Variants in GCNT2 observed in about 807,000 individuals in gnomAD.
The protein encoded by GCNT2 is glucosaminyl (N-acetyl) transferase 2 (I blood group).
In GCNT2, 34 loss-of-function variants were observed where a neutral mutation model predicts 34.2. That is an observed-to-expected ratio of 1.00 (90% confidence interval 0.76 to 1.32). GCNT2 has a LOEUF of 1.32. GCNT2 is among the 40% of genes most tolerant of loss of function. The probability of loss-of-function intolerance (pLI) is 0.00; values close to 1 mark genes in which losing one functional copy is unlikely to be tolerated. For missense variants in GCNT2, 584 were observed against 489.4 expected, an observed-to-expected ratio of 1.19 and a Z score of -1.82; for synonymous variants, 212 against 188.0, an observed-to-expected ratio of 1.13 and a Z score of -1.04.
intron 3 of GCNT2, among the ~76,000 whole-genome samples, chr6:10,595,075 A>G (rs959920689): frequency 2.0e-5 from 3 of 152,092 alleles, no homozygotes; most frequent in African/African-American, 7.2e-5. Context: ...TCTGTTCTTG[A>G]TCATTTTGAT....
intron 2 of GCNT2, chr6:10,528,317 T>C (rs1232261736): frequency 1.3e-5 from 2 of 158,498 alleles, no homozygotes; most frequent in East Asian, 1.8e-4. Context: ...AAGACAGGGT[T>C]AAGCAATTTT....
chr6:10,600,507 G>A (rs991341667), intron 3 of GCNT2, among the ~76,000 whole-genome samples: 8 of 151,976 alleles, frequency 5.3e-5, no homozygotes, highest in African/African-American at 9.7e-5. Flanking sequence ...GAACAATTCC[G>A]CCAGTTCCCA....
rs759043571 is a variant in GCNT2 at position 10,529,659 on chromosome 6, T to C, written c.748T>C (p.Leu250=). 8.7e-6 allele frequency: 14 copies of C among 1,613,756 alleles called. No individual in the cohort carries two copies. The highest frequency in any genetic ancestry group is 1.1e-5 in the Non-Finnish European group (13 of 1,179,942). Residue 250 remains leucine (L), a synonymous_variant, in exon 3 of 5, where the codon TTA becomes CTA. Coordinates refer to ENST00000495262, the MANE Select transcript of GCNT2 (RefSeq NM_145649.5). ...KNSYVIKTTK[L]KTPPPHDMVI... is the part of the protein sequence containing the mutation. ...TTCCTACGTGATTAAAACAACAAAA[T>C]TAAAAACTCCTCCTCCTCATGACAT...
rs533203694 is a variant in GCNT2 at position 10,557,763 on chromosome 6, A to C, written c.925+27927A>C. On this transcript the variant is annotated intron_variant, in intron 3 of 4. Transcript: ENST00000495262. ...CATCTTGGCCTCCCAAAATGCTGGG[A>C]TTATAGCCATGAGCCACCATGCCTA... 5.6e-4 allele frequency among the ~76,000 whole-genome samples: 85 copies of C among 152,262 alleles called. 2 individuals are homozygous for C. In the South Asian group the frequency reaches 0.013, roughly 23 times the overall value.
chr6:10,554,900 A>G (rs996793219), intron 3 of GCNT2, among the ~76,000 whole-genome samples: 47 of 152,154 alleles, frequency 3.1e-4, no homozygotes, highest in Admixed American at 1.9e-3. Context: ...AATGTAAACA[A>G]TGAAAGTTAG....
At chr6:10,556,979 A>G in intron 3 of GCNT2, 2 of 1,613,998 alleles carry the variant, frequency 1.2e-6, no homozygotes, top group African/African-American at 1.3e-5. Context: ...GAAGTACGTT[A>G]TCAACACCTG....
chr6:10,603,623 G>A (rs1027840676), intron 3 of GCNT2, among the ~76,000 whole-genome samples: 11 of 150,976 alleles, frequency 7.3e-5, no homozygotes, highest in African/African-American at 2.0e-4. Flanking sequence ...TCAAGTGATC[G>A]TTGTGCCTCA....
At chr6:10,594,098 AG>A (rs1434633865) in intron 3 of GCNT2, among the ~76,000 whole-genome samples, 1 of 152,244 alleles carries the variant, frequency 6.6e-6, no homozygotes, top group Admixed American at 6.5e-5. Flanking sequence ...AACCTTCTGC[AG>A]GTCCTGTTAA....
At chr6:10,555,779 T>C (rs1448282529) in intron 3 of GCNT2, 1 of 985,260 alleles carries the variant, frequency 1.0e-6, no homozygotes, top group African/African-American at 1.7e-5. Context: ...GGAGCTGGGA[T>C]GGATGAGGCT....
chr6:10,586,679 A>T (rs1451223254), intron 3 of GCNT2: 2 of 1,614,040 alleles, frequency 1.2e-6, no homozygotes, highest in Non-Finnish European at 1.7e-6. Flanking sequence ...AGCGAACTAA[A>T]TATGTCCACC....
intron 1 of GCNT2, among the ~76,000 whole-genome samples, chr6:10,522,935 C>T (rs913072561): frequency 3.3e-5 from 5 of 152,150 alleles, no homozygotes; most frequent in East Asian, 1.9e-4. Flanking sequence ...AGACTTAAAA[C>T]GAATGAGGTT....
chr6:10,523,095 T>C (rs1446106557), intron 1 of GCNT2, among the ~76,000 whole-genome samples: 2 of 152,196 alleles, frequency 1.3e-5, no homozygotes, highest in South Asian at 2.1e-4. Flanking sequence ...CAGTCTTGCA[T>C]TGCCTCAAAG....
chr6:10,621,560 T>A (rs1766038082), intron 4 of GCNT2, 117 bp downstream of exon 4: 1 of 727,100 alleles, frequency 1.4e-6, no homozygotes, highest in Admixed American at 2.0e-5. Context: ...ACCAATCTGT[T>A]AGTTATTGGA....
rs537748348 is a variant in GCNT2, at chr6:10,528,783, G to A, written c.-129G>A. On this transcript the variant is annotated 5_prime_UTR_variant, in exon 3 of 5. Transcript: ENST00000495262. ...CCAGAACCGTGAACTGAAGGGACAGGGAACAGCCAGACGAGAGCTTCAGCC... is the reference window on the plus strand; with the variant it reads ...CCAGAACCGTGAACTGAAGGGACAGAGAACAGCCAGACGAGAGCTTCAGCC... 2.6e-6 allele frequency: 2 copies of A among 776,476 alleles called. No individual in the cohort carries two copies. Among genetic ancestry groups the A allele is most frequent in the South Asian group, 1.4e-5 (1 of 71,344 alleles). 48.1% of individuals were successfully genotyped at this position (776,476 alleles called of 1,614,324 possible). A position where few individuals can be genotyped will look rare whatever the true frequency, so the allele number is the denominator to read the frequency against.
chr6:10,585,061 G>C (rs1207697043), intron 3 of GCNT2, among the ~76,000 whole-genome samples: 1 of 139,882 alleles, frequency 7.1e-6, no homozygotes, highest in African/African-American at 3.1e-5. Context: ...GTGTGTGTGT[G>C]TGTGTGTGTG....
chr6:10,546,043 C>T (rs566812009), intron 3 of GCNT2, among the ~76,000 whole-genome samples: 45 of 152,216 alleles, frequency 3.0e-4, no homozygotes, highest in Non-Finnish European at 1.0e-4. Flanking sequence ...TAAACTGATT[C>T]CTGTAACGGC....
intron 4 of GCNT2, among the ~76,000 whole-genome samples, chr6:10,625,651 A>T (rs1766227047): frequency 6.6e-6 from 1 of 152,070 alleles, no homozygotes; most frequent in African/African-American, 2.4e-5. Flanking sequence ...ACCCATAAAG[A>T]TCTCTCCCAC....
At chr6:10,604,396 C>G (rs1765220696) in intron 3 of GCNT2, among the ~76,000 whole-genome samples, 2 of 152,148 alleles carry the variant, frequency 1.3e-5, no homozygotes, top group African/African-American at 2.4e-5. Flanking sequence ...AATGCTAACA[C>G]TAGCTAATTT....
At chr6:10,595,561 C>T (rs1764816972) in intron 3 of GCNT2, among the ~76,000 whole-genome samples, 1 of 149,308 alleles carries the variant, frequency 6.7e-6, no homozygotes, top group Non-Finnish European at 1.5e-5. Context: ...ACAGGCGTGC[C>T]ACTCTGCCCG....
Sources: gnomAD v4.1 joint callset for allele counts (sites outside exome capture counted in the v4.1 genomes callset) on GRCh38, gnomAD v4.1.1 for gene constraint, MANE v1.5 for transcripts, NCBI Gene and HGNC (gene_info 2026-07-23, HGNC 2026-07-21) for gene names.